MATCAP2: variants seen among roughly 807,000 people sequenced by gnomAD.
MATCAP2 encodes the protein putative tyrosine carboxypeptidase MATCAP2.
At chr7:36,367,089 G>C in the MATCAP2 span, 1 of 1,252,928 alleles carries the variant, frequency 8.0e-7, no homozygotes, top group Non-Finnish European at 1.0e-6. Context: ...GATAAGGAGG[G>C]TAAGGGCGGA....
the MATCAP2 span, chr7:36,333,716 G>T: frequency 1.4e-6 from 1 of 702,958 alleles, no homozygotes. Context: ...TGTGGTTTGG[G>T]AAAACCAGTT....
At chr7:36,332,037 T>C in the MATCAP2 span, among the ~76,000 whole-genome samples, 7 of 152,180 alleles carry the variant, frequency 4.6e-5, no homozygotes, top group Non-Finnish European at 8.8e-5. Context: ...ATGTTGATAA[T>C]AGCTATGATC....
chr7:36,364,987 G>T, the MATCAP2 span, among the ~76,000 whole-genome samples: 4 of 152,238 alleles, frequency 2.6e-5, 1 homozygote, highest in South Asian at 6.2e-4. Context: ...AACATACAGG[G>T]TTGGATTCAT....
chr7:36,356,947 G>T, the MATCAP2 span: 11 of 1,614,186 alleles, frequency 6.8e-6, no homozygotes, highest in Non-Finnish European at 9.3e-6. Context: ...TAGCTAATAC[G>T]CTTGGCAGAG....
At chr7:36,339,412 T>C in the MATCAP2 span, among the ~76,000 whole-genome samples, 2 of 152,260 alleles carry the variant, frequency 1.3e-5, no homozygotes, top group African/African-American at 4.8e-5. Flanking sequence ...CCAGCAGCAC[T>C]GGCGTGGCAT....
chr7:36,389,175 C>T, the MATCAP2 span, among the ~76,000 whole-genome samples: 3 of 152,282 alleles, frequency 2.0e-5, no homozygotes, highest in Admixed American at 6.5e-5. Flanking sequence ...ATTCTCCTGC[C>T]TCAGCCTCCC....
At chr7:36,345,685 T>C in the MATCAP2 span, among the ~76,000 whole-genome samples, 1 of 152,170 alleles carries the variant, frequency 6.6e-6, no homozygotes, top group Non-Finnish European at 1.5e-5. Context: ...CTATCCCATA[T>C]CATATATAAA....
the MATCAP2 span, among the ~76,000 whole-genome samples, chr7:36,368,611 C>G: frequency 6.6e-6 from 1 of 152,200 alleles, no homozygotes; most frequent in South Asian, 2.1e-4. Context: ...TCACACTGTT[C>G]TCAAAACTCA....
the MATCAP2 span, among the ~76,000 whole-genome samples, chr7:36,383,501 G>C: frequency 6.6e-6 from 1 of 152,074 alleles, no homozygotes; most frequent in African/African-American, 2.4e-5. Flanking sequence ...GGATGAGTTC[G>C]TGTCCTTTGC....
chr7:36,390,217 T>C, the MATCAP2 span: 2 of 1,024,190 alleles, frequency 2.0e-6, no homozygotes, highest in Non-Finnish European at 2.8e-6. Flanking sequence ...GGTTGGTGGG[T>C]TCCTCTGAGA....
At chr7:36,340,024 G>A in the MATCAP2 span, among the ~76,000 whole-genome samples, 3 of 151,972 alleles carry the variant, frequency 2.0e-5, no homozygotes, top group African/African-American at 4.8e-5. Flanking sequence ...CATCATGCCC[G>A]GCTAATTTTT....
At chr7:36,360,764 G>A in the MATCAP2 span, among the ~76,000 whole-genome samples, 3 of 152,102 alleles carry the variant, frequency 2.0e-5, no homozygotes, top group Non-Finnish European at 4.4e-5. Context: ...CTAAGAGGCC[G>A]ATAACATTTG....
chr7:36,374,687 CT>C, the MATCAP2 span, among the ~76,000 whole-genome samples: 4 of 152,156 alleles, frequency 2.6e-5, no homozygotes, highest in Admixed American at 2.6e-4. Flanking sequence ...ATCCCTCCCC[CT>C]GCCCCCAACT....
At chr7:36,338,073 C>T in the MATCAP2 span, among the ~76,000 whole-genome samples, 1 of 152,080 alleles carries the variant, frequency 6.6e-6, no homozygotes, top group Non-Finnish European at 1.5e-5. Context: ...TACTTTCCAA[C>T]CTGACTCTGG....
chr7:36,357,444 T>C, the MATCAP2 span: 1 of 1,614,162 alleles, frequency 6.2e-7, no homozygotes, highest in Non-Finnish European at 8.5e-7. Context: ...AGTAGGACAT[T>C]GTAACTACTG....
At chr7:36,357,717 A>C in the MATCAP2 span, 1 of 690,820 alleles carries the variant, frequency 1.4e-6, no homozygotes, top group Non-Finnish European at 2.3e-6. Context: ...ATTAGAAAAA[A>C]ACATTTTAAA....
At chr7:36,382,954 T>G in the MATCAP2 span, among the ~76,000 whole-genome samples, 1 of 152,128 alleles carries the variant, frequency 6.6e-6, no homozygotes, top group Admixed American at 6.5e-5. Context: ...CGTGAGAAAA[T>G]AAAAAGGAGA....
At chr7:36,362,231 G>C in the MATCAP2 span, among the ~76,000 whole-genome samples, 1 of 152,062 alleles carries the variant, frequency 6.6e-6, no homozygotes, top group South Asian at 2.1e-4. Context: ...ATTAACTATA[G>C]TATCTCTAAA....
At chr7:36,332,920 T>G in the MATCAP2 span, among the ~76,000 whole-genome samples, 1 of 151,926 alleles carries the variant, frequency 6.6e-6, no homozygotes, top group African/African-American at 2.4e-5. Context: ...AGAGTCATAC[T>G]CTATCTCAAA....
Sources: gnomAD v4.1 joint callset for allele counts (sites outside exome capture counted in the v4.1 genomes callset) on GRCh38, gnomAD v4.1.1 for gene constraint, MANE v1.5 for transcripts, NCBI Gene and HGNC (gene_info 2026-07-23, HGNC 2026-07-21) for gene names.